The following TAFA2 variants were observed in gnomAD, a reference collection of about 807,000 sequenced individuals.
TAFA2 encodes chemokine-like protein TAFA-2.
In TAFA2, 7 loss-of-function variants were observed where a neutral mutation model predicts 18.8. The ratio of observed to expected loss-of-function variants is 0.37; its 90% CI spans 0.21 to 0.70. The LOEUF is 0.70. Ranked by LOEUF, TAFA2 falls within the 30% of genes least tolerant of loss-of-function variation. The pLI is 0.53. For synonymous variants in TAFA2, 60 were observed against 54.2 expected (o/e 1.11, Z -0.47); for missense variants, 122 against 158.1 (o/e 0.77, Z 1.23).
intron 1 of TAFA2, chr12:62,235,153 G>T: frequency 1.5e-6 from 1 of 661,134 alleles, no homozygotes; most frequent in Non-Finnish European, 2.9e-6. Context: ...ATCATCTCTT[G>T]CTGAGGGGGA....
upstream of TAFA2, among the ~76,000 whole-genome samples, chr12:62,193,023 A>AAAGCCCTATT: frequency 6.6e-6 from 1 of 152,378 alleles, no homozygotes; most frequent in South Asian, 2.1e-4. Flanking sequence ...CCTATTAAGC[A>AAAGCCCTATT]AAGCCCTTGC....
At chr12:61,847,186 G>A (rs565612364) in intron 2 of TAFA2, among the ~76,000 whole-genome samples, 2 of 152,260 alleles carry the variant, frequency 1.3e-5, no homozygotes, top group Non-Finnish European at 2.9e-5. Flanking sequence ...CTGCTGTTGT[G>A]ATTATACACA....
chr12:61,978,441 T>G (rs999326002), intron 1 of TAFA2, among the ~76,000 whole-genome samples: 1 of 151,928 alleles, frequency 6.6e-6, no homozygotes, highest in Non-Finnish European at 1.5e-5. Flanking sequence ...AAAATGAAAA[T>G]GTATTTTAAA....
chr12:61,886,391 C>A (rs1490588561), intron 1 of TAFA2, among the ~76,000 whole-genome samples: 1 of 152,128 alleles, frequency 6.6e-6, no homozygotes, highest in Non-Finnish European at 1.5e-5. Context: ...ACTGCCACTG[C>A]CCCATGGAAT....
rs371584057 is a variant in TAFA2, at chr12:61,754,849, A to G, written c.259+23T>C. 1.7e-5 allele frequency: 28 copies of G among 1,610,782 alleles called. No homozygotes were observed. The African/African-American group carries it at 3.1e-4, about 18-fold the overall frequency. On this transcript the variant is annotated intron_variant, in intron 3 of 4. Coordinates refer to ENST00000416284, the MANE Select transcript of TAFA2 (RefSeq NM_178539.5). ...AGCCATCCTTGGCTGTGCTGTTACA[A>G]TAAGGAATGGAAGAAGTCACACCAT... is the stretch of plus-strand genomic sequence containing the variant.
At chr12:62,061,128 A>T (rs1438583108) in intron 1 of TAFA2, among the ~76,000 whole-genome samples, 1 of 152,196 alleles carries the variant, frequency 6.6e-6, no homozygotes, top group African/African-American at 2.4e-5. Context: ...TACAGCATTT[A>T]TAAAATCTAC....
chr12:62,015,314 G>A (rs1423745344), intron 1 of TAFA2, among the ~76,000 whole-genome samples: 2 of 152,022 alleles, frequency 1.3e-5, no homozygotes, highest in Non-Finnish European at 2.9e-5. Context: ...AAACATAACA[G>A]GTACAATAAA....
chr12:61,879,197 C>T (rs1013157895), intron 1 of TAFA2: 1 of 333,126 alleles, frequency 3.0e-6, no homozygotes, highest in African/African-American at 2.2e-5. Flanking sequence ...AAACATTCTT[C>T]CAGCTTCAGG....
At chr12:62,215,259 T>C (rs1248054810) in intron 1 of TAFA2, among the ~76,000 whole-genome samples, 1 of 152,214 alleles carries the variant, frequency 6.6e-6, no homozygotes, top group Non-Finnish European at 1.5e-5. Flanking sequence ...ATTAATTGAA[T>C]GCAGATGTGC....
At chr12:61,865,382 G>A (rs1404092139) in intron 2 of TAFA2, among the ~76,000 whole-genome samples, 1 of 151,746 alleles carries the variant, frequency 6.6e-6, no homozygotes, top group African/African-American at 2.4e-5. Context: ...AAACAAAAAG[G>A]ATATTTTGTA....
chr12:61,914,185 G>A (rs1316332503), intron 1 of TAFA2, among the ~76,000 whole-genome samples: 1 of 152,168 alleles, frequency 6.6e-6, no homozygotes, highest in Non-Finnish European at 1.5e-5. Flanking sequence ...TAGAATTTCA[G>A]TCAGGATAAG....
intron 4 of TAFA2, among the ~76,000 whole-genome samples, chr12:61,715,762 A>T (rs1565747288): frequency 1.4e-5 from 2 of 142,602 alleles, no homozygotes; most frequent in African/African-American, 5.2e-5. Flanking sequence ...AAAAAAAAAA[A>T]TTAAAAATTA....
chr12:62,163,527 C>A (rs1237385015), intron 1 of TAFA2, among the ~76,000 whole-genome samples: 1 of 152,132 alleles, frequency 6.6e-6, no homozygotes, highest in Non-Finnish European at 1.5e-5. Flanking sequence ...TTTTCTTATG[C>A]TGTCTCCCAC....
chr12:62,016,764 A>G (rs1880950476), intron 1 of TAFA2, among the ~76,000 whole-genome samples: 1 of 150,006 alleles, frequency 6.7e-6, no homozygotes, highest in Non-Finnish European at 1.5e-5. Context: ...TGTCAACAAC[A>G]TTTATTATTG....
intron 2 of TAFA2, among the ~76,000 whole-genome samples, chr12:61,846,888 T>A (rs1873427869): frequency 6.6e-6 from 1 of 152,164 alleles, no homozygotes; most frequent in African/African-American, 2.4e-5. Context: ...CCAGAGAAAG[T>A]GAAAACTTGA....
At chr12:61,720,166 T>C (rs1869836265) in intron 4 of TAFA2, among the ~76,000 whole-genome samples, 2 of 152,178 alleles carry the variant, frequency 1.3e-5, no homozygotes, top group Non-Finnish European at 2.9e-5. Flanking sequence ...TAATTATTTA[T>C]AATGCTTAGA....
At chr12:61,717,328 G>T (rs929002195) in intron 4 of TAFA2, among the ~76,000 whole-genome samples, 1 of 152,166 alleles carries the variant, frequency 6.6e-6, no homozygotes, top group East Asian at 1.9e-4. Flanking sequence ...TTCAGGTAAG[G>T]TAAGGCACTA....
chr12:61,966,825 T>C (rs181244668), intron 1 of TAFA2, among the ~76,000 whole-genome samples: 59 of 152,018 alleles, frequency 3.9e-4, no homozygotes, highest in African/African-American at 1.3e-3. Context: ...CTTTCTAATT[T>C]TGAGGTGTTT....
chr12:61,796,469 G>C (rs1871194295), intron 2 of TAFA2, among the ~76,000 whole-genome samples: 1 of 152,052 alleles, frequency 6.6e-6, no homozygotes, highest in African/African-American at 2.4e-5. Context: ...TTTAAAAAAT[G>C]CAACATTATC....
Sources: allele counts gnomAD v4.1 joint callset (sites outside exome capture counted in the v4.1 genomes callset), GRCh38; gene constraint gnomAD v4.1.1; transcripts MANE v1.5; gene names NCBI Gene and HGNC (gene_info 2026-07-23, HGNC 2026-07-21).